SLC8A1: variants seen among roughly 807,000 people sequenced by gnomAD.
SLC8A1 encodes the protein sodium/calcium exchanger 1.
A neutral mutation model predicts 68.3 loss-of-function variants in SLC8A1; 18 were observed. That is an observed-to-expected ratio of 0.26 (90% CI 0.18 to 0.39). SLC8A1 has a LOEUF of 0.39. Among genes scored for constraint, SLC8A1 ranks in the 10% least tolerant of loss-of-function variants. SLC8A1 has a pLI of 1.00. For missense variants in SLC8A1, 985 were observed against 1,156.7 expected, an observed-to-expected ratio of 0.85 and a Z score of 2.15; for synonymous variants, 475 against 415.5, an observed-to-expected ratio of 1.14 and a Z score of -1.74.
chr2:40,367,382 C>T (rs182386479), intron 2 of SLC8A1, among the ~76,000 whole-genome samples: 3 of 152,012 alleles, frequency 2.0e-5, no homozygotes, highest in Non-Finnish European at 4.4e-5. Flanking sequence ...TCTAACACTT[C>T]GCTGATCTTT....
intron 2 of SLC8A1, among the ~76,000 whole-genome samples, chr2:40,404,741 C>A (rs755210233): frequency 6.6e-6 from 1 of 152,130 alleles, no homozygotes; most frequent in Non-Finnish European, 1.5e-5. Flanking sequence ...TGCTTCCTAG[C>A]TTGAAATGCA....
chr2:40,210,085 C>T (rs1396397149), intron 2 of SLC8A1: 1 of 152,126 alleles, frequency 6.6e-6, no homozygotes, highest in Non-Finnish European at 1.5e-5. Context: ...TAAACTGAGG[C>T]CTAGACAGTG....
At chr2:40,204,574 T>G (rs1197936387) in intron 2 of SLC8A1, among the ~76,000 whole-genome samples, 1 of 151,996 alleles carries the variant, frequency 6.6e-6, no homozygotes, top group East Asian at 1.9e-4. Flanking sequence ...TTAGCCCCAT[T>G]CTAATGACTC....
chr2:40,344,538 C>G (rs1434098901), intron 2 of SLC8A1, among the ~76,000 whole-genome samples: 1 of 152,154 alleles, frequency 6.6e-6, no homozygotes, highest in Non-Finnish European at 1.5e-5. Flanking sequence ...GACACCCAGA[C>G]TCACTGTTTA....
At chr2:40,317,827 A>G (rs1209771326) in intron 2 of SLC8A1, among the ~76,000 whole-genome samples, 4 of 152,042 alleles carry the variant, frequency 2.6e-5, no homozygotes, top group East Asian at 3.9e-4. Context: ...TATGTCCCCA[A>G]TTTTTGAAAT....
intron 2 of SLC8A1, among the ~76,000 whole-genome samples, chr2:40,381,274 A>G (rs1020213178): frequency 2.0e-5 from 3 of 151,764 alleles, no homozygotes; most frequent in African/African-American, 4.8e-5. Flanking sequence ...AATCCACTAC[A>G]TGCTCCACCC....
chr2:40,439,515 C>G (rs765852054), intron 1 of SLC8A1, among the ~76,000 whole-genome samples: 5 of 152,114 alleles, frequency 3.3e-5, no homozygotes, highest in Non-Finnish European at 7.4e-5. Flanking sequence ...CCTCTTGGAA[C>G]TGGGGATGTT....
intron 2 of SLC8A1, among the ~76,000 whole-genome samples, chr2:40,418,846 G>C (rs561123269): frequency 3.9e-5 from 6 of 152,154 alleles, no homozygotes; most frequent in Admixed American, 6.6e-5. Context: ...AGAGGAGAGA[G>C]AGCCCTGTAG....
At chr2:40,288,723 T>C (rs1056005603) in intron 2 of SLC8A1, among the ~76,000 whole-genome samples, 2 of 151,968 alleles carry the variant, frequency 1.3e-5, no homozygotes, top group African/African-American at 4.8e-5. Context: ...TGGGGATGGA[T>C]GTTTGGAGCT....
chr2:40,231,758 C>A, intron 2 of SLC8A1, among the ~76,000 whole-genome samples: 1 of 152,140 alleles, frequency 6.6e-6, no homozygotes, highest in Admixed American at 6.6e-5. Context: ...TCATCAAGAA[C>A]TAGCAACACC....
At chr2:40,271,271 C>G (rs1390649349) in intron 2 of SLC8A1, among the ~76,000 whole-genome samples, 1 of 152,044 alleles carries the variant, frequency 6.6e-6, no homozygotes, top group Non-Finnish European at 1.5e-5. Flanking sequence ...ACTCCTCTCC[C>G]AGGTGTTATC....
chr2:40,238,811 T>C lies in SLC8A1; in HGVS notation c.1809-60956A>G, dbSNP rs966488334. 4.6e-5 allele frequency among the ~76,000 whole-genome samples: 7 copies of C among 152,288 alleles called. No homozygotes were observed. In the South Asian group the frequency reaches 8.3e-4, roughly 18 times the overall value. ...TTTTTTTTCATCTGGAGGAAATTAA[T>C]GTATATCATTATATATAGAAGCCAT... On this transcript the variant is annotated intron_variant, in intron 2 of 7. Transcript: ENST00000406785.
At chr2:40,207,755 G>A (rs1353820517) in intron 2 of SLC8A1, among the ~76,000 whole-genome samples, 3 of 152,130 alleles carry the variant, frequency 2.0e-5, no homozygotes, top group African/African-American at 7.2e-5. Context: ...ACGGTGTGTA[G>A]TGCCAGGGCT....
Position 40,178,553 on chromosome 2 carries a change from T to C in SLC8A1, c.1809-698A>G, listed in dbSNP as rs546907764. 493 of 1,419,872 alleles carry C rather than the reference T, an allele frequency of 3.5e-4. 1 individual carries two copies. The highest frequency in any genetic ancestry group is 1.1e-3 in the Admixed American group (60 of 56,832). The allele number at this position is 1,419,872 out of a possible 1,614,324, so 88.0% of individuals were successfully genotyped here. A position where few individuals can be genotyped will look rare whatever the true frequency, so the allele number is the denominator to read the frequency against. On this transcript the variant is annotated intron_variant, in intron 2 of 7. Transcript: ENST00000406785. Reference sequence around the variant, plus strand: ...AAGAGGAAAGAGAAGAGAAGGAACATAGAGAAGAGGAAAGCAAGGTTAACC... The same window carrying C: ...AAGAGGAAAGAGAAGAGAAGGAACACAGAGAAGAGGAAAGCAAGGTTAACC...
intron 2 of SLC8A1, among the ~76,000 whole-genome samples, chr2:40,331,417 G>A (rs964344517): frequency 1.3e-5 from 2 of 151,910 alleles, no homozygotes; most frequent in Non-Finnish European, 2.9e-5. Flanking sequence ...TCACTTCTAT[G>A]ACCCACTTTA....
chr2:40,427,268 T>C (rs1697123280), intron 2 of SLC8A1, among the ~76,000 whole-genome samples: 1 of 152,036 alleles, frequency 6.6e-6, no homozygotes, highest in Non-Finnish European at 1.5e-5. Flanking sequence ...CCCCTCCCCC[T>C]TTTTGGTTTG....
At chr2:40,182,205 T>C (rs569960273) in intron 2 of SLC8A1, among the ~76,000 whole-genome samples, 1 of 152,188 alleles carries the variant, frequency 6.6e-6, no homozygotes, top group South Asian at 2.1e-4. Flanking sequence ...CTGGAACTGT[T>C]GGGTAGACAC....
At chr2:40,333,645 T>C (rs980734686) in intron 2 of SLC8A1, among the ~76,000 whole-genome samples, 1 of 152,100 alleles carries the variant, frequency 6.6e-6, no homozygotes, top group Admixed American at 6.5e-5. Flanking sequence ...TTCTTAATAG[T>C]ATAAACAAGA....
intron 2 of SLC8A1, among the ~76,000 whole-genome samples, chr2:40,321,776 C>G (rs2075222872): frequency 6.6e-6 from 1 of 152,074 alleles, no homozygotes; most frequent in Non-Finnish European, 1.5e-5. Flanking sequence ...CCTCCCATGA[C>G]ACGTGGGGAC....
Sources: allele counts gnomAD v4.1 joint callset (sites outside exome capture counted in the v4.1 genomes callset), GRCh38; gene constraint gnomAD v4.1.1; transcripts MANE v1.5; gene names NCBI Gene and HGNC (gene_info 2026-07-23, HGNC 2026-07-21).